The following MBP variants were observed in gnomAD, a reference collection of about 807,000 sequenced individuals.
MBP encodes the protein myelin basic protein.
MBP carries 16 observed loss-of-function variants against 35.8 expected under a neutral mutation model. The ratio of observed to expected loss-of-function variants is 0.45; its 90% CI spans 0.30 to 0.68. The LOEUF (loss-of-function observed/expected upper bound fraction) is 0.68. Ranked by LOEUF, MBP falls within the 30% of genes least tolerant of loss-of-function variation. The pLI is 0.08. For missense variants in MBP, 380 were observed against 404.7 expected (o/e 0.94, Z 0.52); for synonymous variants, 143 against 159.6 (o/e 0.90, Z 0.78).
chr18:77,055,136 G>T (rs1467439296), intron 3 of MBP, among the ~76,000 whole-genome samples: 1 of 152,238 alleles, frequency 6.6e-6, no homozygotes. Flanking sequence ...GCCGCCTGCT[G>T]CTGCTGGGCC....
rs956853676 is a variant in MBP, at chr18:77,113,196, C to G, written c.-25-7910G>C. The G allele has an allele frequency of 5.3e-5, 8 of 152,334 alleles. No individual in the cohort carries two copies. In the East Asian group the frequency reaches 1.5e-3, roughly 29 times the overall value. 9.4% of individuals were successfully genotyped at this position (152,334 alleles called of 1,614,324 possible). A position where few individuals can be genotyped will look rare whatever the true frequency, so the allele number is the denominator to read the frequency against. On this transcript the variant is annotated intron_variant, in intron 1 of 8. Coordinates refer to ENST00000355994, the MANE Select transcript of MBP (RefSeq NM_001025101.2). ...CCTTAGGTGATCCACCCATCTCAGC[C>G]TCCCAAAATGCTGGGATTAGAGGCA... is the stretch of plus-strand genomic sequence containing the variant.
intron 3 of MBP, among the ~76,000 whole-genome samples, chr18:77,056,139 G>A (rs1973709896): frequency 1.3e-5 from 2 of 152,140 alleles, no homozygotes; most frequent in African/African-American, 4.8e-5. Flanking sequence ...GACCCCGTGC[G>A]CCCGGGGCTG....
At chr18:77,035,926 C>G (rs1239586141) in intron 3 of MBP, among the ~76,000 whole-genome samples, 1 of 152,214 alleles carries the variant, frequency 6.6e-6, no homozygotes, top group Non-Finnish European at 1.5e-5. Flanking sequence ...TGACTGAGAA[C>G]TTACTAGGAC....
chr18:77,080,765 C>A (rs536579971), intron 2 of MBP, among the ~76,000 whole-genome samples: 162 of 152,170 alleles, frequency 1.1e-3, no homozygotes, highest in Non-Finnish European at 1.4e-3. Flanking sequence ...CTCACTGCAA[C>A]CTCTGCCTCC....
intron 4 of MBP, chr18:77,006,023 C>T (rs2123350100): frequency 6.6e-6 from 1 of 152,384 alleles, no homozygotes; most frequent in East Asian, 1.9e-4. Context: ...GACACCTGCC[C>T]CAGGTCCACG....
intron 1 of MBP, among the ~76,000 whole-genome samples, chr18:77,123,270 C>T (rs1976944853): frequency 6.6e-6 from 1 of 152,198 alleles, no homozygotes; most frequent in Admixed American, 6.5e-5. Flanking sequence ...ATAAACGTTC[C>T]TCATCAGATG....
intron 8 of MBP, 133 bp from the exon 9 acceptor site, chr18:76,980,604 C>T (rs537726560): frequency 1.4e-4 from 98 of 691,254 alleles, no homozygotes; most frequent in African/African-American, 1.3e-3. Flanking sequence ...AAATGGCACC[C>T]CGGAGAGCTG....
intron 8 of MBP, 171 bp downstream of exon 8, chr18:76,984,603 TA>T: frequency 2.5e-6 from 2 of 806,210 alleles, no homozygotes; most frequent in Middle Eastern, 3.7e-4. Context: ...AATCCACGCG[TA>T]AATGCGGGTG....
At chr18:76,996,908 T>A (rs947652416) in intron 4 of MBP, among the ~76,000 whole-genome samples, 1 of 152,222 alleles carries the variant, frequency 6.6e-6, no homozygotes. Context: ...GCTGTCATTG[T>A]ACAGCCAGAG....
chr18:76,998,095 G>A (rs1026151232), intron 4 of MBP, among the ~76,000 whole-genome samples: 1 of 152,172 alleles, frequency 6.6e-6, no homozygotes, highest in Non-Finnish European at 1.5e-5. Flanking sequence ...TCGCACTGTT[G>A]TACCAGCATC....
chr18:76,990,065 AAC>A lies in MBP; in HGVS notation c.577-7_577-6del, dbSNP rs1187157203. The A allele has an allele frequency of 6.2e-7, 1 of 1,605,510 alleles. No homozygotes were observed. The highest frequency in any genetic ancestry group is 2.2e-5 in the East Asian group (1 of 44,784). On this transcript the variant is annotated splice_region_variant and splice_polypyrimidine_tract_variant and intron_variant, in intron 4 of 8. Transcript: ENST00000355994. ...TCTTGCCGGGTGGTGTGAGTCCTGA[AAC>A]ACAGAGGCGCGGTGACCTCAGGACA... is the stretch of plus-strand genomic sequence containing the variant.
At chr18:77,115,271 T>G (rs1463271516) in intron 1 of MBP, 1 of 152,234 alleles carries the variant, frequency 6.6e-6, no homozygotes, top group East Asian at 1.9e-4. Flanking sequence ...AACTGAAGAA[T>G]GTTTTAATTC....
At chr18:77,012,751 A>C (rs1212144482) in intron 4 of MBP, 3 of 983,740 alleles carry the variant, frequency 3.0e-6, no homozygotes, top group African/African-American at 1.7e-5. Flanking sequence ...CAAACCAAAA[A>C]CGACAAATTA....
chr18:77,063,251 T>C (rs1974056762), intron 3 of MBP, among the ~76,000 whole-genome samples: 1 of 152,200 alleles, frequency 6.6e-6, no homozygotes, highest in Non-Finnish European at 1.5e-5. Context: ...TAGAGTTCTG[T>C]GTGCCCCAGG....
chr18:76,987,149 G>A (rs1478582447), intron 7 of MBP: 12 of 985,322 alleles, frequency 1.2e-5, no homozygotes, highest in East Asian at 1.1e-4. Flanking sequence ...ACCCCCCATC[G>A]CTCCACATTC....
At chr18:77,103,978 C>T (rs1011851701) in intron 2 of MBP, among the ~76,000 whole-genome samples, 3 of 152,242 alleles carry the variant, frequency 2.0e-5, no homozygotes, top group African/African-American at 7.2e-5. Flanking sequence ...CGGAAGGATT[C>T]GAATGACTTT....
At chr18:77,029,235 C>A (rs1465021865) in intron 3 of MBP, among the ~76,000 whole-genome samples, 1 of 147,906 alleles carries the variant, frequency 6.8e-6, no homozygotes, top group Non-Finnish European at 1.5e-5. Flanking sequence ...ACAGCGAAAC[C>A]CCGGCTCCAC....
At chr18:77,133,255 C>T (rs1001375531), upstream of MBP, among the ~76,000 whole-genome samples, 3 of 152,214 alleles carry the variant, frequency 2.0e-5, no homozygotes, top group African/African-American at 7.2e-5. Flanking sequence ...GGCAGGTCCT[C>T]CCAAGGCACT....
chr18:77,022,391 CTT>C (rs1343693535), intron 3 of MBP, among the ~76,000 whole-genome samples: 5 of 152,312 alleles, frequency 3.3e-5, no homozygotes, highest in Admixed American at 2.0e-4. Flanking sequence ...GGGCGGGAGA[CTT>C]CGGTGGCACC....
Sources: gnomAD v4.1 joint callset for allele counts (sites outside exome capture counted in the v4.1 genomes callset) on GRCh38, gnomAD v4.1.1 for gene constraint, MANE v1.5 for transcripts, NCBI Gene and HGNC (gene_info 2026-07-23, HGNC 2026-07-21) for gene names.